The following KLK6 variants were observed in gnomAD, a reference collection of about 807,000 sequenced individuals.
KLK6 encodes kallikrein related peptidase 6.
In KLK6, 16 loss-of-function variants were observed where a neutral mutation model predicts 21.7. The ratio of observed to expected loss-of-function variants is 0.74; its 90% confidence interval spans 0.50 to 1.12. KLK6 has a LOEUF of 1.12. Among genes scored for constraint, KLK6 ranks in the 50% most tolerant of loss-of-function variants. KLK6 has a pLI of 0.00. For synonymous variants in KLK6, 116 were observed against 120.1 expected (o/e 0.97, Z 0.22); for missense variants, 276 against 304.6 (o/e 0.91, Z 0.70).
chr19:50,958,929 T>A lies in KLK6; in HGVS notation c.*235A>T. The A allele has an allele frequency of 1.8e-6, 1 of 548,900 alleles. No individual in the cohort carries two copies. Among genetic ancestry groups the A allele is most frequent in the Non-Finnish European group, 3.3e-6 (1 of 305,608 alleles). 34.0% of individuals were successfully genotyped at this position (548,900 alleles called of 1,614,324 possible). On this transcript the variant is annotated 3_prime_UTR_variant, in exon 7 of 7. Coordinates refer to ENST00000310157, the MANE Select transcript of KLK6 (RefSeq NM_002774.4). ...CTAGAAGGGATTTTCCTGTATTCTC[T>A]TAGTGGTGGGGGTAAGACCGAGGAC... is the stretch of plus-strand genomic sequence containing the variant.
rs571376053 is a variant in KLK6 at position 50,963,189 on chromosome 19, T to C, written c.445+113A>G. On this transcript the variant is annotated intron_variant, in intron 5 of 6. Transcript: ENST00000310157. ...CATTGAAACCCTGTCCCATTGGTCC[T>C]CACCATTAGCCCATCTTCCCATGGC... 2.3e-5 allele frequency: 33 copies of C among 1,431,908 alleles called. No individual in the cohort carries two copies. In the African/African-American group the frequency reaches 4.2e-4, roughly 18 times the overall value. 88.7% of individuals were successfully genotyped at this position (1,431,908 alleles called of 1,614,324 possible). A position where few individuals can be genotyped will look rare whatever the true frequency, so the allele number is the denominator to read the frequency against.
chr19:50,960,015 AAGG>A lies in KLK6; in HGVS notation c.583-702_583-700del, dbSNP rs1270870624. Among the ~76,000 whole-genome samples, 70 of 33,302 alleles carry A rather than the reference AAGG, an allele frequency of 2.1e-3. 1 individual carries two copies. Among genetic ancestry groups the A allele is most frequent in the South Asian group, 0.014 (9 of 654 alleles). 21.8% of individuals were successfully genotyped at this position (33,302 alleles called of 152,430 possible). ...GGAGGAAGAGGAGAAGGAAGAGGAG[AAGG>A]AGGAGGAGGAGGGGGAAGACGAGGA... On this transcript the variant is annotated intron_variant, in intron 6 of 6. Coordinates refer to ENST00000310157, the MANE Select transcript of KLK6 (RefSeq NM_002774.4).
intron 6 of KLK6, among the ~76,000 whole-genome samples, chr19:50,959,978 GGAGAAC>G (rs2090803304): frequency 1.0e-5 from 1 of 98,728 alleles, no homozygotes; most frequent in Non-Finnish European, 2.1e-5. Context: ...AGGAGGAAGA[GGAGAAC>G]GAGGAGGAGG....
rs367984144 is a variant in KLK6, at chr19:50,963,381, G to C, written c.366C>G (p.Ile122Met). The change falls in exon 5 of 7, where the codon ATC (isoleucine) becomes ATG (methionine). Residue 122 changes from isoleucine (I) to methionine (M), a missense_variant. Physicochemically the swap from Ile to Met is conservative, Grantham distance 10. Coordinates refer to ENST00000310157, the MANE Select transcript of KLK6 (RefSeq NM_002774.4). ...AGTCCCTCTCCAGGGGAAGGGGCTG[G>C]ATGAGTTCAGAGAGTTTGGCTGGGC... is the stretch of plus-strand genomic sequence containing the variant. The part of the protein sequence containing the change: ...LARPAKLSEL[I>M]QPLPLERDCS... 6.2e-7 allele frequency: 1 copy of C among 1,614,206 alleles called. No homozygotes were observed. The highest frequency in any genetic ancestry group is 1.3e-5 in the African/African-American group (1 of 75,048).
At chr19:50,968,486 G>A (rs887680711) in intron 2 of KLK6, 55 bp downstream of exon 2, 21 of 266,988 alleles carry the variant, frequency 7.9e-5, no homozygotes, top group East Asian at 6.9e-4. Context: ...GGCTCTGTGC[G>A]CAATGGCCAC....
At position 50,963,503 on chromosome 19, in the gene KLK6, T is replaced by A. The variant is rs749820115; in HGVS notation, c.244A>T (p.Ser82Cys). 1.2e-5 allele frequency: 20 copies of A among 1,614,058 alleles called. No individual in the cohort carries two copies. Among genetic ancestry groups the A allele is most frequent in the Non-Finnish European group, 1.7e-5 (20 of 1,179,992 alleles). ...LGKHNLRQRE[S>C]SQEQSSVVRA... ...ACAACAGAACTCTGCTCCTGGGAAC[T>A]CTCCCTTTGCCGAAGGTTATGCTTC... The change falls in exon 5 of 7, where the codon AGT (serine) becomes TGT (cysteine). Residue 82 changes from serine (S) to cysteine (C), a missense_variant. Transcript: ENST00000310157.
intron 6 of KLK6, 137 bp downstream of exon 6, chr19:50,961,607 G>A (rs2090840919): frequency 2.0e-6 from 2 of 1,000,600 alleles, no homozygotes; most frequent in Non-Finnish European, 1.4e-6. Flanking sequence ...CAAGGCTTGG[G>A]TTCTCCCTCA....
At chr19:50,968,192 C>T (rs2090958080) in intron 2 of KLK6, 80 bp from the exon 3 acceptor site, 3 of 1,284,346 alleles carry the variant, frequency 2.3e-6, no homozygotes, top group Non-Finnish European at 2.3e-6. Context: ...TCTGCATCCT[C>T]TCCTTCCTTC....
chr19:50,962,026 T>G, intron 5 of KLK6, 146 bp from the exon 6 acceptor site: 1 of 825,000 alleles, frequency 1.2e-6, no homozygotes, highest in Non-Finnish European at 1.8e-6. Flanking sequence ...TCTCTCATTC[T>G]TACATCTCAT....
chr19:50,964,532 T>G (rs1331219771), intron 4 of KLK6, among the ~76,000 whole-genome samples: 2 of 152,200 alleles, frequency 1.3e-5, no homozygotes, highest in African/African-American at 4.8e-5. Flanking sequence ...GTACTTGAAA[T>G]GTGGCTTGTG....
At chr19:50,967,417 C>T in intron 3 of KLK6, 92 bp from the exon 4 acceptor site, 1 of 1,295,710 alleles carries the variant, frequency 7.7e-7, no homozygotes, top group Non-Finnish European at 1.1e-6. Context: ...TGGTCAGGTG[C>T]AGTGGCTTAT....
chr19:50,959,351 G>T (rs776169344), intron 6 of KLK6, 35 bp from the exon 7 acceptor site: 1 of 1,582,850 alleles, frequency 6.3e-7, no homozygotes, highest in Non-Finnish European at 8.6e-7. Context: ...GATACAGATA[G>T]AAACCCAGAG....
intron 4 of KLK6, among the ~76,000 whole-genome samples, chr19:50,964,490 T>TG (rs2090895448): frequency 6.6e-6 from 1 of 152,240 alleles, no homozygotes. Flanking sequence ...CAGAGGTGGC[T>TG]GGGGGAACCA....
intron 4 of KLK6, among the ~76,000 whole-genome samples, chr19:50,965,506 G>A (rs777435645): frequency 2.6e-5 from 4 of 151,660 alleles, no homozygotes; most frequent in African/African-American, 9.7e-5. Context: ...AGCTGGTCTC[G>A]AACTCAGGTA....
chr19:50,966,536 C>T (rs1473792747), intron 4 of KLK6, among the ~76,000 whole-genome samples: 1 of 152,224 alleles, frequency 6.6e-6, no homozygotes, highest in African/African-American at 2.4e-5. Flanking sequence ...GGTGGTGGCT[C>T]ATGCCTGTAA....
In KLK6 at chr19:50,968,178, T is replaced by C. The variant is rs370722677; in HGVS notation, c.-8-66A>G. On this transcript the variant is annotated intron_variant, in intron 2 of 6. Transcript: ENST00000310157. ...ACCCTCCCCCCATCCCTCTGTCTGC[T>C]CCCTCTGCATCCTCTCCTTCCTTCC... 102 of 1,377,078 alleles carry C rather than the reference T, an allele frequency of 7.4e-5. 1 individual carries two copies. In the African/African-American group the frequency reaches 1.4e-3, roughly 18 times the overall value. The allele number at this position is 1,377,078 out of a possible 1,614,324, so 85.3% of individuals were successfully genotyped here.
At chr19:50,962,337 C>T (rs1446069726) in intron 5 of KLK6, 2 of 156,046 alleles carry the variant, frequency 1.3e-5, no homozygotes, top group Admixed American at 1.3e-4. Context: ...CACTCTGTGA[C>T]CATTGGTCTT....
intron 4 of KLK6, among the ~76,000 whole-genome samples, chr19:50,966,889 G>A (rs2090934891): frequency 6.6e-6 from 1 of 152,090 alleles, no homozygotes; most frequent in Admixed American, 6.5e-5. Flanking sequence ...CGCCCTGCAG[G>A]TCCCCAAATG....
At chr19:50,963,624 C>A in intron 4 of KLK6, 75 bp from the exon 5 acceptor site, 1 of 1,558,460 alleles carries the variant, frequency 6.4e-7, no homozygotes, top group South Asian at 1.2e-5. Flanking sequence ...GCTGGGAAGT[C>A]ATGAATCGCT....
Sources: allele counts gnomAD v4.1 joint callset (sites outside exome capture counted in the v4.1 genomes callset), GRCh38; gene constraint gnomAD v4.1.1; transcripts MANE v1.5; gene names NCBI Gene and HGNC (gene_info 2026-07-23, HGNC 2026-07-21).